Variants in CHSY3 observed in about 807,000 individuals in gnomAD.
The protein encoded by CHSY3 is chondroitin sulfate synthase 3.
CHSY3 carries 35 observed loss-of-function variants against 67.2 expected under a neutral mutation model. That is an observed-to-expected ratio of 0.52 (90% CI 0.40 to 0.69). The LOEUF (loss-of-function observed/expected upper bound fraction) is 0.69, where lower values mean the gene tolerates loss of function less well. Among genes scored for constraint, CHSY3 ranks in the 30% least tolerant of loss-of-function variants. CHSY3 has a pLI of 0.00. For missense variants in CHSY3, 1,069 were observed against 1,138.5 expected, an observed-to-expected ratio of 0.94 and a Z score of 0.88; for synonymous variants, 474 against 434.7, an observed-to-expected ratio of 1.09 and a Z score of -1.12.
chr5:129,951,249 A>G (rs1018429921), intron 2 of CHSY3, among the ~76,000 whole-genome samples: 4 of 152,174 alleles, frequency 2.6e-5, no homozygotes, highest in African/African-American at 9.7e-5. Flanking sequence ...TCAACTCAAA[A>G]TGAATTATAG....
intron 2 of CHSY3, among the ~76,000 whole-genome samples, chr5:130,097,827 C>T (rs1767100310): frequency 6.6e-6 from 1 of 151,986 alleles, no homozygotes; most frequent in Non-Finnish European, 1.5e-5. Flanking sequence ...CACGGTGAAA[C>T]CCCGTCTCTA....
intron 2 of CHSY3, among the ~76,000 whole-genome samples, chr5:130,146,737 CA>C: frequency 6.6e-6 from 1 of 152,080 alleles, no homozygotes; most frequent in Middle Eastern, 3.4e-3. Flanking sequence ...TGAATATCTA[CA>C]ATTATAGTGT....
intron 2 of CHSY3, among the ~76,000 whole-genome samples, chr5:129,999,124 C>CTT (rs376975711): frequency 0.19 from 27,231 of 141,566 alleles, 2,949 homozygotes; most frequent in East Asian, 0.35. Flanking sequence ...TCCCCCCTCC[C>CTT]TTTTTTTTTT....
At chr5:130,145,843 G>GA (rs1001800187) in intron 2 of CHSY3, among the ~76,000 whole-genome samples, 1 of 150,494 alleles carries the variant, frequency 6.6e-6, no homozygotes, top group African/African-American at 2.4e-5. Flanking sequence ...GTGAATACAT[G>GA]AAAAAAAAAG....
intron 2 of CHSY3, among the ~76,000 whole-genome samples, chr5:129,967,657 T>C (rs1343763546): frequency 6.6e-6 from 1 of 151,830 alleles, no homozygotes; most frequent in Non-Finnish European, 1.5e-5. Flanking sequence ...TGCATCTCAT[T>C]AATTGGCATG....
intron 2 of CHSY3, among the ~76,000 whole-genome samples, chr5:129,961,556 A>G (rs1282368526): frequency 6.6e-6 from 1 of 151,996 alleles, no homozygotes; most frequent in African/African-American, 2.4e-5. Context: ...CAAAAGTTCT[A>G]AACTGCTCCA....
Position 129,992,263 on chromosome 5 carries a change from A to C in CHSY3, c.1086+83903A>C, listed in dbSNP as rs1048661465. Among the ~76,000 whole-genome samples the C allele has an allele frequency of 4.8e-4, 73 of 152,318 alleles. 1 individual carries two copies. The highest frequency in any genetic ancestry group is 1.7e-3 in the African/African-American group (71 of 41,578). On this transcript the variant is annotated intron_variant, in intron 2 of 2. Transcript: ENST00000305031. Reference sequence around the variant, plus strand: ...AACAATAAAAGTAAGTTAAAATCTGACTAGAATTCAGTAGTACATTACTTT... The same window carrying C: ...AACAATAAAAGTAAGTTAAAATCTGCCTAGAATTCAGTAGTACATTACTTT...
At chr5:130,165,784 T>G (rs1335890194) in intron 2 of CHSY3, among the ~76,000 whole-genome samples, 1 of 152,126 alleles carries the variant, frequency 6.6e-6, no homozygotes, top group African/African-American at 2.4e-5. Flanking sequence ...GATCTAAATT[T>G]ATTTTTTCCT....
chr5:130,063,692 A>T (rs1325632245), intron 2 of CHSY3, among the ~76,000 whole-genome samples: 1 of 152,120 alleles, frequency 6.6e-6, no homozygotes, highest in Non-Finnish European at 1.5e-5. Context: ...TATTTCTCAC[A>T]GTTCTGGAGG....
chr5:129,984,416 A>T (rs1419626523), intron 2 of CHSY3, among the ~76,000 whole-genome samples: 1 of 151,986 alleles, frequency 6.6e-6, no homozygotes, highest in African/African-American at 2.4e-5. Flanking sequence ...ATATTTCTTT[A>T]TCCAGTCCAC....
chr5:129,938,539 A>ATGCGG (rs1387102865), intron 2 of CHSY3, among the ~76,000 whole-genome samples: 1 of 152,216 alleles, frequency 6.6e-6, no homozygotes, highest in Non-Finnish European at 1.5e-5. Flanking sequence ...ATATGAGCAT[A>ATGCGG]TGCGGTTAGA....
At chr5:130,124,519 G>A (rs946897158) in intron 2 of CHSY3, among the ~76,000 whole-genome samples, 3 of 150,610 alleles carry the variant, frequency 2.0e-5, no homozygotes, top group African/African-American at 7.4e-5. Context: ...GCAATGGCGT[G>A]ATCTCAGCTC....
intron 2 of CHSY3, among the ~76,000 whole-genome samples, chr5:129,949,100 A>G (rs1761949431): frequency 6.6e-6 from 1 of 152,224 alleles, no homozygotes; most frequent in African/African-American, 2.4e-5. Flanking sequence ...TCACAGTCAC[A>G]TGTATATATG....
At chr5:130,080,567 C>T (rs992357947) in intron 2 of CHSY3, among the ~76,000 whole-genome samples, 4 of 152,084 alleles carry the variant, frequency 2.6e-5, no homozygotes, top group Admixed American at 6.6e-5. Flanking sequence ...TAATGTAACT[C>T]TTGGAAAATA....
chr5:129,905,801 A>G (rs1760266971), intron 1 of CHSY3, 170 bp downstream of exon 1: 3 of 1,346,572 alleles, frequency 2.2e-6, no homozygotes, highest in Non-Finnish European at 2.9e-6. Flanking sequence ...CACAATTCGT[A>G]GCCCGTTCCT....
intron 2 of CHSY3, among the ~76,000 whole-genome samples, chr5:130,154,354 G>A (rs775799309): frequency 1.3e-5 from 2 of 152,190 alleles, no homozygotes; most frequent in African/African-American, 2.4e-5. Context: ...GGCCTCTGGA[G>A]TATTAGAATG....
chr5:130,006,195 GA>G (rs1763868190), intron 2 of CHSY3, among the ~76,000 whole-genome samples: 1 of 152,094 alleles, frequency 6.6e-6, no homozygotes, highest in Non-Finnish European at 1.5e-5. Flanking sequence ...AAACAAGGAG[GA>G]ACATTTTCCA....
intron 2 of CHSY3, among the ~76,000 whole-genome samples, chr5:130,123,915 C>T (rs181121284): frequency 1.7e-3 from 258 of 151,048 alleles, no homozygotes; most frequent in African/African-American, 5.9e-3. Context: ...AAAAATTAGC[C>T]GGGTGTGGTG....
chr5:130,165,071 G>A (rs1769701785), intron 2 of CHSY3, among the ~76,000 whole-genome samples: 1 of 152,144 alleles, frequency 6.6e-6, no homozygotes, highest in Non-Finnish European at 1.5e-5. Context: ...GACCATAAGA[G>A]CTTTTTATTC....
Sources: allele counts gnomAD v4.1 joint callset (sites outside exome capture counted in the v4.1 genomes callset), GRCh38; gene constraint gnomAD v4.1.1; transcripts MANE v1.5; gene names NCBI Gene and HGNC (gene_info 2026-07-23, HGNC 2026-07-21).